TENM4: variants seen among roughly 807,000 people sequenced by gnomAD.
TENM4 encodes teneurin transmembrane protein 4.
In TENM4, 82 loss-of-function variants were observed where a neutral mutation model predicts 243.3. The observed-to-expected ratio is 0.34, with a 90% confidence interval of 0.28 to 0.40. TENM4 has a LOEUF of 0.40. Ranked by LOEUF, TENM4 falls within the 10% of genes least tolerant of loss-of-function variation. The pLI is 1.00. For synonymous variants in TENM4, 1,412 were observed against 1,456.3 expected (o/e 0.97, Z 0.69); for missense variants, 3,138 against 3,673.3 (o/e 0.85, Z 3.77).
At chr11:79,010,253 C>T (rs1162857532) in intron 6 of TENM4, among the ~76,000 whole-genome samples, 2 of 152,126 alleles carry the variant, frequency 1.3e-5, no homozygotes, top group Non-Finnish European at 1.5e-5. Flanking sequence ...AGCACTAGGA[C>T]ATGGAATTAA....
chr11:79,221,963 G>A (rs561420962), intron 2 of TENM4, among the ~76,000 whole-genome samples: 3 of 152,186 alleles, frequency 2.0e-5, no homozygotes, highest in South Asian at 4.1e-4. Context: ...TTCTGGCCTG[G>A]TTTCCACTCC....
At chr11:79,340,135 C>A (rs770672959) in intron 1 of TENM4, among the ~76,000 whole-genome samples, 86 of 152,242 alleles carry the variant, frequency 5.6e-4, no homozygotes, top group Non-Finnish European at 1.1e-3. Context: ...CCTGGACCAA[C>A]TTTCATGTCC....
chr11:79,042,079 C>T (rs919362552), intron 6 of TENM4, among the ~76,000 whole-genome samples: 5 of 152,324 alleles, frequency 3.3e-5, no homozygotes, highest in Middle Eastern at 3.4e-3. Context: ...CTTAAAATCC[C>T]TGGAGGAAAG....
chr11:78,741,825 C>T (rs548787293), intron 19 of TENM4, among the ~76,000 whole-genome samples: 2 of 152,290 alleles, frequency 1.3e-5, no homozygotes, highest in Admixed American at 6.5e-5. Flanking sequence ...GCCTTAACTG[C>T]CTTAGTGAAA....
At chr11:78,796,973 C>G (rs1350612746) in intron 15 of TENM4, among the ~76,000 whole-genome samples, 1 of 152,172 alleles carries the variant, frequency 6.6e-6, no homozygotes, top group Non-Finnish European at 1.5e-5. Flanking sequence ...TTTCTGAAAC[C>G]CTTGTAGTAA....
intron 6 of TENM4, among the ~76,000 whole-genome samples, chr11:79,063,474 GGCCTCCT>G (rs1235684946): frequency 7.4e-6 from 1 of 135,704 alleles, no homozygotes; most frequent in Non-Finnish European, 1.7e-5. Flanking sequence ...AGCACCAGCA[GGCCTCCT>G]CTTCACTGGG....
At chr11:79,146,926 TAA>T (rs1326671646) in intron 4 of TENM4, among the ~76,000 whole-genome samples, 1 of 152,120 alleles carries the variant, frequency 6.6e-6, no homozygotes, top group Non-Finnish European at 1.5e-5. Flanking sequence ...AGTCACTGGA[TAA>T]AGAGTGGTGA....
chr11:78,950,851 C>A (rs1162763478), intron 6 of TENM4, among the ~76,000 whole-genome samples: 3 of 152,190 alleles, frequency 2.0e-5, no homozygotes, highest in Non-Finnish European at 4.4e-5. Context: ...ACATTCAAAC[C>A]CACACTCTTA....
chr11:79,004,767 A>C (rs1478705590), intron 6 of TENM4, among the ~76,000 whole-genome samples: 2 of 152,166 alleles, frequency 1.3e-5, no homozygotes, highest in African/African-American at 4.8e-5. Context: ...GAATGGAAGG[A>C]AATTGAGATG....
At chr11:78,888,067 C>G (rs1393267438) in intron 9 of TENM4, among the ~76,000 whole-genome samples, 3 of 152,196 alleles carry the variant, frequency 2.0e-5, no homozygotes, top group Non-Finnish European at 4.4e-5. Context: ...AACTATACAA[C>G]CCTCATTGGT....
At chr11:79,018,612 T>A (rs588128) in intron 6 of TENM4, among the ~76,000 whole-genome samples, 1 of 152,186 alleles carries the variant, frequency 6.6e-6, no homozygotes, top group Non-Finnish European at 1.5e-5. Context: ...TCTGTCTCGG[T>A]AGGAAAGAGT....
intron 27 of TENM4, among the ~76,000 whole-genome samples, chr11:78,707,357 A>G (rs1224262568): frequency 2.6e-5 from 4 of 152,232 alleles, no homozygotes. Context: ...CACAGGATGT[A>G]CTAAGGACAT....
chr11:78,898,100 C>G (rs1159657520), intron 7 of TENM4, among the ~76,000 whole-genome samples: 1 of 152,172 alleles, frequency 6.6e-6, no homozygotes, highest in East Asian at 1.9e-4. Flanking sequence ...ACATATGGCT[C>G]CCTCCAGAAT....
At chr11:78,909,819 C>T (rs957709336) in intron 6 of TENM4, among the ~76,000 whole-genome samples, 2 of 152,296 alleles carry the variant, frequency 1.3e-5, no homozygotes, top group South Asian at 2.1e-4. Context: ...ACAGTGGCTG[C>T]GGGTGAGGTA....
intron 1 of TENM4, among the ~76,000 whole-genome samples, chr11:79,377,487 C>CT (rs1333282287): frequency 1.3e-5 from 2 of 152,278 alleles, no homozygotes; most frequent in Middle Eastern, 3.4e-3. Context: ...TCTCTCTGGC[C>CT]TTTTTTTCCC....
intron 1 of TENM4, among the ~76,000 whole-genome samples, chr11:79,363,364 C>A (rs534952496): frequency 6.6e-6 from 1 of 152,114 alleles, no homozygotes. Flanking sequence ...TTCTCCCAAC[C>A]GGAATGTAAA....
intron 2 of TENM4, among the ~76,000 whole-genome samples, chr11:79,242,085 T>C (rs1463849133): frequency 6.6e-6 from 1 of 152,244 alleles, no homozygotes. Flanking sequence ...GGCTGGTTTT[T>C]TAAGATCCCT....
At chr11:79,284,586 A>C (rs1365132692) in intron 2 of TENM4, among the ~76,000 whole-genome samples, 1 of 152,248 alleles carries the variant, frequency 6.6e-6, no homozygotes, top group Non-Finnish European at 1.5e-5. Context: ...AAATCTAAAA[A>C]TATAAAACTC....
intron 1 of TENM4, among the ~76,000 whole-genome samples, chr11:79,351,059 T>C (rs1450545384): frequency 6.6e-6 from 1 of 152,146 alleles, no homozygotes; most frequent in Non-Finnish European, 1.5e-5. Context: ...GCACCAGTCA[T>C]GGGCCTACCT....
Sources: allele counts gnomAD v4.1 joint callset (sites outside exome capture counted in the v4.1 genomes callset), GRCh38; gene constraint gnomAD v4.1.1; transcripts MANE v1.5; gene names NCBI Gene and HGNC (gene_info 2026-07-23, HGNC 2026-07-21).